Variants in TPST1 observed in about 807,000 individuals in gnomAD.
TPST1 encodes the protein protein-tyrosine sulfotransferase 1.
TPST1 carries 20 observed loss-of-function variants against 34.8 expected under a neutral mutation model. The ratio of observed to expected loss-of-function variants is 0.57; its 90% CI spans 0.40 to 0.84. The LOEUF is 0.84. TPST1 is among the 40% of genes least tolerant of loss of function. TPST1 has a pLI of 0.00. For synonymous variants in TPST1, 152 were observed against 159.4 expected (o/e 0.95, Z 0.35); for missense variants, 353 against 455.5 (o/e 0.78, Z 2.05).
At chr7:66,346,815 A>G (rs1792360925) in intron 3 of TPST1, among the ~76,000 whole-genome samples, 1 of 151,972 alleles carries the variant, frequency 6.6e-6, no homozygotes, top group Non-Finnish European at 1.5e-5. Flanking sequence ...GCTGCATAGA[A>G]GTTTTTACAC....
chr7:66,238,189 TA>T (rs1467938858), intron 1 of TPST1, among the ~76,000 whole-genome samples: 1 of 152,216 alleles, frequency 6.6e-6, no homozygotes, highest in African/African-American at 2.4e-5. Context: ...TATCTCCTGC[TA>T]AATCACGGAG....
intron 2 of TPST1, among the ~76,000 whole-genome samples, chr7:66,246,225 C>T (rs1054588556): frequency 1.3e-4 from 16 of 124,676 alleles, no homozygotes; most frequent in Non-Finnish European, 2.1e-4. Flanking sequence ...GACAGGGTCT[C>T]ACTATGTGTT....
intron 3 of TPST1, among the ~76,000 whole-genome samples, chr7:66,343,350 C>T (rs1159925062): frequency 6.6e-6 from 1 of 152,092 alleles, no homozygotes; most frequent in Non-Finnish European, 1.5e-5. Flanking sequence ...GGGAGCTAGA[C>T]ATTGGGTATT....
chr7:66,324,666 G>A (rs938801584), intron 3 of TPST1, among the ~76,000 whole-genome samples: 1 of 152,006 alleles, frequency 6.6e-6, no homozygotes, highest in Non-Finnish European at 1.5e-5. Context: ...AAACCTGGTG[G>A]TGGGTTCCTG....
intron 2 of TPST1, among the ~76,000 whole-genome samples, chr7:66,260,485 G>A (rs1186321777): frequency 6.6e-6 from 1 of 152,124 alleles, no homozygotes; most frequent in Non-Finnish European, 1.5e-5. Flanking sequence ...ATAATCTGTG[G>A]AATAACTGTT....
intron 3 of TPST1, among the ~76,000 whole-genome samples, chr7:66,350,736 T>G (rs1287615550): frequency 6.6e-6 from 1 of 152,220 alleles, no homozygotes; most frequent in Non-Finnish European, 1.5e-5. Flanking sequence ...ATAACTTTCC[T>G]TAGTTTCTTG....
intron 2 of TPST1, among the ~76,000 whole-genome samples, chr7:66,265,401 T>G (rs998501908): frequency 5.3e-5 from 8 of 151,810 alleles, no homozygotes; most frequent in Admixed American, 1.3e-4. Flanking sequence ...AATACAAAAA[T>G]TAACCATACG....
At chr7:66,284,272 C>T (rs1790987337) in intron 2 of TPST1, among the ~76,000 whole-genome samples, 1 of 152,072 alleles carries the variant, frequency 6.6e-6, no homozygotes, top group African/African-American at 2.4e-5. Context: ...ATAATAATAG[C>T]CGTTGTTTAG....
intron 3 of TPST1, among the ~76,000 whole-genome samples, chr7:66,294,599 T>TTA (rs774864816): frequency 2.5e-4 from 38 of 151,778 alleles, no homozygotes; most frequent in Non-Finnish European, 4.1e-4. Flanking sequence ...TTTACACTTT[T>TTA]TATATATATA....
At chr7:66,275,515 A>T (rs973704142) in intron 2 of TPST1, among the ~76,000 whole-genome samples, 2 of 152,240 alleles carry the variant, frequency 1.3e-5, no homozygotes, top group Admixed American at 1.3e-4. Flanking sequence ...AATGCGGCAT[A>T]CATACACAAT....
At chr7:66,323,408 A>G (rs1023644092) in intron 3 of TPST1, among the ~76,000 whole-genome samples, 2 of 152,146 alleles carry the variant, frequency 1.3e-5, no homozygotes, top group Non-Finnish European at 2.9e-5. Context: ...TTAGTTTACT[A>G]AGTGTTTTGT....
intron 1 of TPST1, among the ~76,000 whole-genome samples, chr7:66,213,379 T>C (rs1179106439): frequency 6.6e-6 from 1 of 152,216 alleles, no homozygotes; most frequent in Non-Finnish European, 1.5e-5. Context: ...AGTTCTATAA[T>C]TTTTATTGGG....
chr7:66,282,163 C>G (rs1169932169), intron 2 of TPST1, among the ~76,000 whole-genome samples: 3 of 152,120 alleles, frequency 2.0e-5, no homozygotes, highest in South Asian at 2.1e-4. Flanking sequence ...TCTGTAAGGA[C>G]TGAAGGAATA....
chr7:66,207,086 G>A (rs941578055), intron 1 of TPST1, among the ~76,000 whole-genome samples: 1 of 152,156 alleles, frequency 6.6e-6, no homozygotes. Context: ...AAGCCTGGAC[G>A]AATCAGTCAG....
intron 3 of TPST1, among the ~76,000 whole-genome samples, chr7:66,294,027 T>C (rs942801415): frequency 6.6e-5 from 10 of 152,196 alleles, no homozygotes; most frequent in Non-Finnish European, 1.3e-4. Flanking sequence ...CAGTAAGATA[T>C]ATTTAACATA....
intron 2 of TPST1, among the ~76,000 whole-genome samples, chr7:66,281,033 A>G (rs762447747): frequency 3.3e-5 from 5 of 152,184 alleles, no homozygotes; most frequent in Non-Finnish European, 7.3e-5. Context: ...AGTTTTTAAC[A>G]TGAAGGGATG....
At chr7:66,293,194 A>G (rs1319025265) in intron 3 of TPST1, among the ~76,000 whole-genome samples, 1 of 151,724 alleles carries the variant, frequency 6.6e-6, no homozygotes, top group East Asian at 1.9e-4. Context: ...TGACAGAGCG[A>G]GACTCCATCT....
At chr7:66,349,165 A>G (rs1365645658) in intron 3 of TPST1, among the ~76,000 whole-genome samples, 1 of 152,214 alleles carries the variant, frequency 6.6e-6, no homozygotes, top group East Asian at 1.9e-4. Flanking sequence ...TTGCTCTGCC[A>G]CTGACACCTG....
At chr7:66,304,443 A>G (rs1247625944) in intron 3 of TPST1, among the ~76,000 whole-genome samples, 1 of 152,182 alleles carries the variant, frequency 6.6e-6, no homozygotes, top group Non-Finnish European at 1.5e-5. Context: ...CCACCTTCTA[A>G]AACTCACAGA....
Sources: allele counts gnomAD v4.1 joint callset (sites outside exome capture counted in the v4.1 genomes callset), GRCh38; gene constraint gnomAD v4.1.1; transcripts MANE v1.5; gene names NCBI Gene and HGNC (gene_info 2026-07-23, HGNC 2026-07-21).